Variants in CELF2 observed in about 807,000 individuals in gnomAD.
The protein encoded by CELF2 is CUGBP Elav-like family member 2, also known as CUG triplet repeat RNA-binding protein 2.
A neutral mutation model predicts 62.6 loss-of-function variants in CELF2; 8 were observed. The ratio of observed to expected loss-of-function variants is 0.13; its 90% CI spans 0.07 to 0.23. The LOEUF (loss-of-function observed/expected upper bound fraction) is 0.23, where lower values mean the gene tolerates loss of function less well. Among genes scored for constraint, CELF2 ranks in the 10% least tolerant of loss-of-function variants. The pLI is 1.00. For synonymous variants in CELF2, 258 were observed against 250.0 expected (o/e 1.03, Z -0.30); for missense variants, 333 against 671.0 (o/e 0.50, Z 5.56).
intron 1 of CELF2, among the ~76,000 whole-genome samples, chr10:11,116,187 A>G (rs1029975539): frequency 2.2e-4 from 34 of 152,364 alleles, no homozygotes; most frequent in East Asian, 9.6e-4. Flanking sequence ...TGTACAAACC[A>G]TCCTTCAGAA....
At chr10:11,276,854 C>T (rs1045863330) in intron 8 of CELF2, among the ~76,000 whole-genome samples, 2 of 152,236 alleles carry the variant, frequency 1.3e-5, no homozygotes, top group African/African-American at 2.4e-5. Flanking sequence ...GCACGCTCTG[C>T]GTGCTCATTT....
rs12217692 is a variant in CELF2 at position 11,207,424 on chromosome 10, A to G, written c.272-10001A>G. ...ACAGAAAGTTGGTCCTAGCGTGTCAAATGGAGAGTTGGAGGGAAGGTATGG... is the reference window on the plus strand; with the variant it reads ...ACAGAAAGTTGGTCCTAGCGTGTCAGATGGAGAGTTGGAGGGAAGGTATGG... On this transcript the variant is annotated intron_variant, in intron 2 of 12. Coordinates refer to ENST00000633077, the MANE Select transcript of CELF2 (RefSeq NM_001326342.2). This position sits in a 1 kb window ranked among gnomAD's most constrained non-coding sequence, Gnocchi z 4.1. Among the ~76,000 whole-genome samples, 38,252 of 152,124 alleles carry G rather than the reference A, an allele frequency of 0.25. 5,820 individuals carry two copies. Among genetic ancestry groups the G allele is most frequent in the East Asian group, 0.68 (3,515 of 5,170 alleles).
At chr10:10,472,956 A>G in the CELF2 span, among the ~76,000 whole-genome samples, 1 of 151,910 alleles carries the variant, frequency 6.6e-6, no homozygotes, top group East Asian at 1.9e-4. Flanking sequence ...CTATATCCAG[A>G]TGCTATGGAC....
chr10:10,869,976 T>C (rs1310299333), intron 1 of CELF2, among the ~76,000 whole-genome samples: 1 of 152,114 alleles, frequency 6.6e-6, no homozygotes, highest in African/African-American at 2.4e-5. Context: ...TTTTAAATGG[T>C]TTATTATATT....
chr10:11,284,239 A>T (rs1445037510), intron 8 of CELF2, among the ~76,000 whole-genome samples: 2,339 of 3,420 alleles, frequency 0.68, 978 homozygotes, highest in Non-Finnish European at 0.73. Flanking sequence ...TGAGGGATGG[A>T]GGGGTGGGTG....
chr10:11,049,728 G>C (rs995153651), intron 1 of CELF2, among the ~76,000 whole-genome samples: 8 of 152,084 alleles, frequency 5.3e-5, no homozygotes, highest in African/African-American at 1.4e-4. Context: ...CTGCCTCCTT[G>C]TAGTGGTTAT....
chr10:10,814,406 T>A (rs916504481), intron 1 of CELF2, among the ~76,000 whole-genome samples: 1 of 152,052 alleles, frequency 6.6e-6, no homozygotes, highest in Admixed American at 6.6e-5. Flanking sequence ...ACCTCTTCTT[T>A]TGGATGTGGC....
At position 11,224,092 on chromosome 10, in the gene CELF2, A is replaced by G. The variant is rs1466326189; in HGVS notation, c.354+6585A>G. ...TAAGGAATTGTACGAGAGAAAATGTATGAGGATTCTTCAGTGGTGCAAAGT... is the reference window on the plus strand; with the variant it reads ...TAAGGAATTGTACGAGAGAAAATGTGTGAGGATTCTTCAGTGGTGCAAAGT... On this transcript the variant is annotated intron_variant, in intron 3 of 12. Coordinates refer to ENST00000633077, the MANE Select transcript of CELF2 (RefSeq NM_001326342.2). This position sits in a 1 kb window ranked among gnomAD's most constrained non-coding sequence, Gnocchi z 4.5. 6.6e-6 allele frequency among the ~76,000 whole-genome samples: 1 copy of G among 152,230 alleles called. No homozygotes were observed. Among genetic ancestry groups the G allele is most frequent in the Admixed American group, 6.5e-5 (1 of 15,286 alleles).
chr10:10,664,992 T>C, the CELF2 span, among the ~76,000 whole-genome samples: 3 of 152,190 alleles, frequency 2.0e-5, no homozygotes, highest in African/African-American at 4.8e-5. Context: ...CTCAACACTG[T>C]AGTACTGGAT....
At chr10:10,915,774 C>T (rs2064274153) in intron 1 of CELF2, among the ~76,000 whole-genome samples, 2 of 152,234 alleles carry the variant, frequency 1.3e-5, no homozygotes, top group East Asian at 1.9e-4. Flanking sequence ...GAAGAGTATT[C>T]ATTACTTGGT....
At chr10:10,741,134 T>C in the CELF2 span, among the ~76,000 whole-genome samples, 1 of 152,186 alleles carries the variant, frequency 6.6e-6, no homozygotes, top group Non-Finnish European at 1.5e-5. Context: ...TGTTCATTTG[T>C]TTACCTGTAG....
At chr10:10,669,862 A>G in the CELF2 span, among the ~76,000 whole-genome samples, 85 of 149,088 alleles carry the variant, frequency 5.7e-4, no homozygotes, top group Non-Finnish European at 9.6e-4. Context: ...GTTTGATTGC[A>G]TGCTTCTTGT....
At chr10:11,199,471 G>A (rs867624049) in intron 2 of CELF2, among the ~76,000 whole-genome samples, 2 of 152,296 alleles carry the variant, frequency 1.3e-5, no homozygotes, top group African/African-American at 2.4e-5. Flanking sequence ...AGGCCCGCAG[G>A]TTGGGTATGG....
the CELF2 span, among the ~76,000 whole-genome samples, chr10:10,620,044 A>T: frequency 6.6e-6 from 1 of 152,172 alleles, no homozygotes; most frequent in Admixed American, 6.5e-5. Context: ...CTTCTCTAGG[A>T]GATGAAAGGA....
chr10:11,013,003 G>C (rs1260196015), upstream of CELF2, among the ~76,000 whole-genome samples: 3 of 151,966 alleles, frequency 2.0e-5, no homozygotes, highest in Non-Finnish European at 2.9e-5. The surrounding 1 kb of genome is among the most constrained non-coding windows in gnomAD (Gnocchi z 4.1). Context: ...TCCCTTCATA[G>C]TGGACAGTCT....
At chr10:11,083,549 T>A (rs2074599055) in intron 1 of CELF2, among the ~76,000 whole-genome samples, 1 of 152,214 alleles carries the variant, frequency 6.6e-6, no homozygotes, top group African/African-American at 2.4e-5. Context: ...TTTACTAAGG[T>A]AATGTTAGGC....
chr10:10,812,959 A>G (rs1307071423), intron 1 of CELF2, among the ~76,000 whole-genome samples: 1 of 152,230 alleles, frequency 6.6e-6, no homozygotes, highest in African/African-American at 2.4e-5. Context: ...AGGATTGCCC[A>G]ACTATAAAAT....
chr10:11,050,723 C>T (rs945148097), intron 1 of CELF2, among the ~76,000 whole-genome samples: 1 of 152,238 alleles, frequency 6.6e-6, no homozygotes, highest in African/African-American at 2.4e-5. Flanking sequence ...CTCTCTGTCA[C>T]CAATCCCTTC....
At chr10:11,021,176 C>G (rs910092808) in intron 1 of CELF2, among the ~76,000 whole-genome samples, 3 of 151,972 alleles carry the variant, frequency 2.0e-5, no homozygotes, top group Non-Finnish European at 4.4e-5. Flanking sequence ...TAAATAAAGT[C>G]TCAGAAATGA....
Sources: allele counts gnomAD v4.1 joint callset (sites outside exome capture counted in the v4.1 genomes callset), GRCh38; gene constraint gnomAD v4.1.1; non-coding constraint Gnocchi (gnomAD v3.1); transcripts MANE v1.5; gene names NCBI Gene and HGNC (gene_info 2026-07-23, HGNC 2026-07-21).